The following SPAG16 variants were observed in gnomAD, a reference collection of about 807,000 sequenced individuals.
The protein encoded by SPAG16 is sperm-associated antigen 16 protein.
A neutral mutation model predicts 80.4 loss-of-function variants in SPAG16; 86 were observed. That is an observed-to-expected ratio of 1.07 (90% confidence interval 0.90 to 1.28). SPAG16 has a LOEUF of 1.28. Among genes scored for constraint, SPAG16 ranks in the 50% most tolerant of loss-of-function variants. SPAG16 has a pLI of 0.00. For missense variants in SPAG16, 870 were observed against 765.3 expected (o/e 1.14, Z -1.61); for synonymous variants, 294 against 265.9 (o/e 1.11, Z -1.03).
chr2:213,963,501 T>C (rs1474063372), intron 12 of SPAG16, among the ~76,000 whole-genome samples: 1 of 152,194 alleles, frequency 6.6e-6, no homozygotes, highest in East Asian at 1.9e-4. Flanking sequence ...TACTTTGTAC[T>C]CTGCTACTGC....
intron 9 of SPAG16, among the ~76,000 whole-genome samples, chr2:213,443,232 C>A (rs948584856): frequency 8.5e-5 from 13 of 152,074 alleles, no homozygotes; most frequent in Non-Finnish European, 1.6e-4. Context: ...TGATTATAGT[C>A]CTTATGATTT....
intron 13 of SPAG16, among the ~76,000 whole-genome samples, chr2:214,102,019 C>T (rs2053071068): frequency 6.6e-6 from 1 of 151,542 alleles, no homozygotes; most frequent in Admixed American, 6.6e-5. Flanking sequence ...AGAAAGTGCA[C>T]GCATTTCATG....
At chr2:214,179,855 A>C (rs2057253228) in intron 15 of SPAG16, among the ~76,000 whole-genome samples, 1 of 151,524 alleles carries the variant, frequency 6.6e-6, no homozygotes, top group African/African-American at 2.4e-5. Context: ...GTGGAAAATA[A>C]ATGGTTTTAT....
chr2:213,864,314 G>A (rs1185703457), intron 11 of SPAG16, among the ~76,000 whole-genome samples: 1 of 151,992 alleles, frequency 6.6e-6, no homozygotes, highest in Non-Finnish European at 1.5e-5. Flanking sequence ...TTTTGCTTTG[G>A]CTTATGTGAT....
intron 12 of SPAG16, among the ~76,000 whole-genome samples, chr2:214,005,253 C>T (rs951276800): frequency 6.6e-5 from 10 of 152,152 alleles, no homozygotes; most frequent in African/African-American, 2.4e-4. Context: ...TTTCAGTTGA[C>T]TATTTAACAA....
intron 15 of SPAG16, among the ~76,000 whole-genome samples, chr2:214,156,868 C>T (rs1420396204): frequency 6.6e-6 from 1 of 152,110 alleles, no homozygotes; most frequent in Non-Finnish European, 1.5e-5. Context: ...ATCTCTAAAG[C>T]ATAAGGCAGA....
At chr2:214,004,542 TAAATGCTCTA>T (rs2046940501) in intron 12 of SPAG16, among the ~76,000 whole-genome samples, 1 of 152,100 alleles carries the variant, frequency 6.6e-6, no homozygotes. Context: ...ACCTTTGTAG[TAAATGCTCTA>T]AAAAAGGTGT....
intron 10 of SPAG16, among the ~76,000 whole-genome samples, chr2:213,722,558 T>C (rs2066575876): frequency 6.6e-6 from 1 of 152,204 alleles, no homozygotes; most frequent in Non-Finnish European, 1.5e-5. Flanking sequence ...GGTCAAACTA[T>C]ACGGCCTTCA....
Position 214,213,344 on chromosome 2 carries a change from T to C in SPAG16, c.1720+64078T>C, listed in dbSNP as rs367607068. ...CACTTATTCCTGAATGCCTGAATTT[T>C]AAGCAAAGCTGATGACTTCACAGAA... is the stretch of plus-strand genomic sequence containing the variant. On this transcript the variant is annotated intron_variant, in intron 15 of 15. Coordinates refer to ENST00000331683, the MANE Select transcript of SPAG16 (RefSeq NM_024532.5). 3.1e-4 allele frequency among the ~76,000 whole-genome samples: 47 copies of C among 152,322 alleles called. 2 individuals are homozygous for C. The highest frequency in any genetic ancestry group is 1.0e-3 in the African/African-American group (42 of 41,576).
At chr2:214,062,974 A>C (rs2050350956) in intron 13 of SPAG16, among the ~76,000 whole-genome samples, 1 of 152,210 alleles carries the variant, frequency 6.6e-6, no homozygotes, top group African/African-American at 2.4e-5. Flanking sequence ...GTTGAAAATA[A>C]GTGAAATTAA....
intron 6 of SPAG16, among the ~76,000 whole-genome samples, chr2:213,343,402 A>T (rs1204847308): frequency 6.6e-6 from 1 of 152,196 alleles, no homozygotes; most frequent in Non-Finnish European, 1.5e-5. Context: ...GTCAGAAAAT[A>T]ACTCTTTAAA....
At chr2:213,760,166 T>A (rs2068576991) in intron 10 of SPAG16, among the ~76,000 whole-genome samples, 1 of 152,064 alleles carries the variant, frequency 6.6e-6, no homozygotes, top group Non-Finnish European at 1.5e-5. Flanking sequence ...TTAAAAAAGA[T>A]CTATGTGTGT....
chr2:213,730,744 C>A (rs1457336547), intron 10 of SPAG16, among the ~76,000 whole-genome samples: 1 of 152,164 alleles, frequency 6.6e-6, no homozygotes, highest in Non-Finnish European at 1.5e-5. Context: ...GCCATTATTT[C>A]TTCCAATGTT....
At chr2:213,901,080 T>C (rs903010879) in intron 11 of SPAG16, among the ~76,000 whole-genome samples, 1 of 152,198 alleles carries the variant, frequency 6.6e-6, no homozygotes, top group Non-Finnish European at 1.5e-5. Context: ...AAATAATTGC[T>C]GTAGAGGATA....
chr2:214,147,202 C>T (rs1251055285), intron 14 of SPAG16, among the ~76,000 whole-genome samples: 1 of 152,128 alleles, frequency 6.6e-6, no homozygotes, highest in Non-Finnish European at 1.5e-5. Flanking sequence ...AATATTGACT[C>T]ACTTTCATAT....
intron 15 of SPAG16, among the ~76,000 whole-genome samples, chr2:214,185,353 A>C (rs959386608): frequency 4.6e-5 from 7 of 152,086 alleles, no homozygotes; most frequent in Non-Finnish European, 1.0e-4. Context: ...ACAGAAGCTT[A>C]TTTCTTAGTT....
At position 213,559,863 on chromosome 2, in the gene SPAG16, T is replaced by C. The variant is rs1040303907; in HGVS notation, c.1070+69773T>C. ...AATTATTCTACATTACTTTTAATGA[T>C]TGACAATCAATATTTTAAACACGGC... is the stretch of plus-strand genomic sequence containing the variant. On this transcript the variant is annotated intron_variant, in intron 10 of 15. Coordinates refer to ENST00000331683, the MANE Select transcript of SPAG16 (RefSeq NM_024532.5). Among the ~76,000 whole-genome samples the C allele has an allele frequency of 2.6e-5, 4 of 152,112 alleles. No homozygotes were observed. In the East Asian group the frequency reaches 5.8e-4, roughly 22 times the overall value.
intron 8 of SPAG16, among the ~76,000 whole-genome samples, chr2:213,368,415 C>T (rs917727249): frequency 9.2e-5 from 14 of 152,078 alleles, no homozygotes; most frequent in Non-Finnish European, 2.1e-4. Flanking sequence ...GGACTTATCT[C>T]AAAATAATAA....
At chr2:214,139,423 C>T (rs936678167) in intron 14 of SPAG16, among the ~76,000 whole-genome samples, 3 of 151,906 alleles carry the variant, frequency 2.0e-5, no homozygotes, top group Admixed American at 6.6e-5. Context: ...TTTCAAAGAG[C>T]GGCTTTTGAT....
Sources: gnomAD v4.1 joint callset for allele counts (sites outside exome capture counted in the v4.1 genomes callset) on GRCh38, gnomAD v4.1.1 for gene constraint, MANE v1.5 for transcripts, NCBI Gene and HGNC (gene_info 2026-07-23, HGNC 2026-07-21) for gene names.